MIS18A: variants seen among roughly 807,000 people sequenced by gnomAD.
MIS18A encodes the protein protein Mis18-alpha.
In MIS18A, 14 loss-of-function variants were observed where a neutral mutation model predicts 25.0. The observed-to-expected ratio is 0.56, with a 90% CI of 0.37 to 0.88. The LOEUF is 0.88. MIS18A is among the 40% of genes least tolerant of loss of function. The probability of loss-of-function intolerance (pLI) is 0.00; values close to 1 mark genes in which losing one functional copy is unlikely to be tolerated. For missense variants in MIS18A, 292 were observed against 290.8 expected, an observed-to-expected ratio of 1.00 and a Z score of -0.03; for synonymous variants, 134 against 118.6, an observed-to-expected ratio of 1.13 and a Z score of -0.84.
intron 3 of MIS18A, among the ~76,000 whole-genome samples, chr21:32,270,019 A>G (rs933803172): frequency 6.6e-6 from 1 of 152,138 alleles, no homozygotes; most frequent in African/African-American, 2.4e-5. Flanking sequence ...GGATGCAGAA[A>G]GCTATGACCA....
At chr21:32,231,114 G>GT in the MIS18A span, among the ~76,000 whole-genome samples, 2 of 151,902 alleles carry the variant, frequency 1.3e-5, no homozygotes, top group African/African-American at 4.8e-5. Flanking sequence ...GTGCACACCT[G>GT]TAGTCCCAGC....
At chr21:32,178,227 A>AT in the MIS18A span, among the ~76,000 whole-genome samples, 21 of 151,682 alleles carry the variant, frequency 1.4e-4, no homozygotes, top group Middle Eastern at 3.4e-3. Flanking sequence ...ATTTCCAGCA[A>AT]TTTTTTTTTA....
At chr21:32,188,904 G>C in the MIS18A span, among the ~76,000 whole-genome samples, 1 of 152,224 alleles carries the variant, frequency 6.6e-6, no homozygotes, top group Non-Finnish European at 1.5e-5. Context: ...TTGTCTCCCA[G>C]AAGAGGCCAC....
chr21:32,221,646 G>A, the MIS18A span, among the ~76,000 whole-genome samples: 2 of 151,452 alleles, frequency 1.3e-5, no homozygotes, highest in Non-Finnish European at 2.9e-5. Context: ...TTGGGAGGCC[G>A]AGGCGGGTGG....
the MIS18A span, among the ~76,000 whole-genome samples, chr21:32,226,903 G>A: frequency 1.3e-5 from 2 of 152,016 alleles, no homozygotes; most frequent in Admixed American, 1.3e-4. Flanking sequence ...CAACCATAAT[G>A]AAATGAAATT....
chr21:32,237,684 C>T, the MIS18A span, among the ~76,000 whole-genome samples: 1 of 151,976 alleles, frequency 6.6e-6, no homozygotes, highest in Admixed American at 6.6e-5. Context: ...AAGCCCTGCC[C>T]CTAAATATAT....
chr21:32,248,758 A>C, the MIS18A span, among the ~76,000 whole-genome samples: 1 of 152,132 alleles, frequency 6.6e-6, no homozygotes, highest in Non-Finnish European at 1.5e-5. Context: ...TGTTTATTTA[A>C]CCTGCAGACC....
At chr21:32,245,316 G>A in the MIS18A span, among the ~76,000 whole-genome samples, 7 of 152,116 alleles carry the variant, frequency 4.6e-5, no homozygotes, top group Admixed American at 2.0e-4. Flanking sequence ...GTTCCCTTCC[G>A]CCTACACAGA....
the MIS18A span, among the ~76,000 whole-genome samples, chr21:32,181,564 C>A: frequency 6.6e-6 from 1 of 152,046 alleles, no homozygotes; most frequent in Admixed American, 6.6e-5. Context: ...GAGATAAGGT[C>A]AGAAATAGCA....
the MIS18A span, among the ~76,000 whole-genome samples, chr21:32,183,264 C>A: frequency 3.8e-4 from 58 of 152,298 alleles, 1 homozygote; most frequent in East Asian, 0.011. Flanking sequence ...AAATTCCTCA[C>A]CATGAGGCAA....
chr21:32,272,563 C>G (rs549640656), intron 2 of MIS18A, among the ~76,000 whole-genome samples: 2 of 152,168 alleles, frequency 1.3e-5, no homozygotes, highest in Admixed American at 6.5e-5. Context: ...GTCTCATAGT[C>G]GCAAATCTTT....
At chr21:32,241,018 C>T in the MIS18A span, among the ~76,000 whole-genome samples, 4 of 152,188 alleles carry the variant, frequency 2.6e-5, no homozygotes, top group Non-Finnish European at 5.9e-5. Flanking sequence ...GAAACCGAAG[C>T]CTGTCAAGCT....
chr21:32,233,581 T>C, the MIS18A span, among the ~76,000 whole-genome samples: 1 of 152,234 alleles, frequency 6.6e-6, no homozygotes, highest in African/African-American at 2.4e-5. Context: ...GTTTCCTCTC[T>C]ACAATTGCTT....
the MIS18A span, among the ~76,000 whole-genome samples, chr21:32,198,681 C>T: frequency 6.6e-6 from 1 of 152,244 alleles, no homozygotes; most frequent in African/African-American, 2.4e-5. Flanking sequence ...CCAAGTGGCA[C>T]TGTCTCCCAA....
chr21:32,278,574 C>T, intron 1 of MIS18A, 107 bp downstream of exon 1: 1 of 1,199,704 alleles, frequency 8.3e-7, no homozygotes, highest in Non-Finnish European at 1.1e-6. Context: ...CTCTTAAAGT[C>T]CCTGGGCAGC....
At chr21:32,240,172 A>G in the MIS18A span, among the ~76,000 whole-genome samples, 1 of 152,230 alleles carries the variant, frequency 6.6e-6, no homozygotes, top group Admixed American at 6.5e-5. Flanking sequence ...AACCAACATC[A>G]ACCAATTACA....
At chr21:32,199,627 G>GT in the MIS18A span, among the ~76,000 whole-genome samples, 1 of 151,940 alleles carries the variant, frequency 6.6e-6, no homozygotes, top group African/African-American at 2.4e-5. Flanking sequence ...GGCCAACCTG[G>GT]TAAAACCCCG....
At chr21:32,200,871 T>TC in the MIS18A span, among the ~76,000 whole-genome samples, 1 of 152,184 alleles carries the variant, frequency 6.6e-6, no homozygotes, top group Non-Finnish European at 1.5e-5. Context: ...TGCTTAAAAC[T>TC]CTCCTAATTA....
the MIS18A span, among the ~76,000 whole-genome samples, chr21:32,180,577 A>G: frequency 2.0e-5 from 3 of 152,230 alleles, no homozygotes; most frequent in Non-Finnish European, 4.4e-5. Context: ...CTCCAGGAAA[A>G]ATGCCAATGA....
Sources: allele counts gnomAD v4.1 joint callset (sites outside exome capture counted in the v4.1 genomes callset), GRCh38; gene constraint gnomAD v4.1.1; transcripts MANE v1.5; gene names NCBI Gene and HGNC (gene_info 2026-07-23, HGNC 2026-07-21).